Variants in SNX8 observed in about 807,000 individuals in gnomAD.
The protein encoded by SNX8 is sorting nexin-8.
SNX8 carries 25 observed loss-of-function variants against 51.6 expected under a neutral mutation model. The ratio of observed to expected loss-of-function variants is 0.48; its 90% CI spans 0.35 to 0.68. The LOEUF is 0.68. SNX8 is among the 30% of genes least tolerant of loss of function. The probability of loss-of-function intolerance (pLI) is 0.00; values close to 1 mark genes in which losing one functional copy is unlikely to be tolerated. For missense variants in SNX8, 695 were observed against 624.0 expected (o/e 1.11, Z -1.21); for synonymous variants, 324 against 277.0 (o/e 1.17, Z -1.68).
intron 1 of SNX8, among the ~76,000 whole-genome samples, chr7:2,334,975 G>A (rs1363951184): frequency 1.3e-5 from 2 of 150,992 alleles, no homozygotes. Flanking sequence ...GTGGATGGAT[G>A]ACCTGACGTC....
chr7:2,313,451 G>A (rs1486256403), intron 1 of SNX8, among the ~76,000 whole-genome samples: 11 of 151,368 alleles, frequency 7.3e-5, no homozygotes, highest in Admixed American at 4.6e-4. Context: ...GCTTGAACCC[G>A]GGAGGCGGAG....
chr7:2,343,156 C>G (rs1778963814), intron 1 of SNX8, among the ~76,000 whole-genome samples: 1 of 151,824 alleles, frequency 6.6e-6, no homozygotes, highest in Non-Finnish European at 1.5e-5. Context: ...GTCTCTAACT[C>G]CTGACCTCAA....
At chr7:2,264,237 T>C in intron 6 of SNX8, 61 bp downstream of exon 6, 1 of 1,528,120 alleles carries the variant, frequency 6.5e-7, no homozygotes, top group Non-Finnish European at 8.9e-7. Flanking sequence ...CCCAAGCCCT[T>C]CACCAGCATG....
At chr7:2,268,020 G>C (rs1317589139) in intron 5 of SNX8, among the ~76,000 whole-genome samples, 1 of 151,532 alleles carries the variant, frequency 6.6e-6, no homozygotes, top group African/African-American at 2.4e-5. Flanking sequence ...TCTGGGAGGT[G>C]AGGAGCGTCT....
Position 2,278,183 on chromosome 7 carries a change from C to CCAGCAGCTCCTGCAGGGTGTGGGA in SNX8, c.193_216dup (p.Ser65_Leu72dup). 1 of 1,614,040 alleles carries CCAGCAGCTCCTGCAGGGTGTGGGA rather than the reference C, an allele frequency of 6.2e-7. No individual in the cohort carries two copies. Among genetic ancestry groups the CCAGCAGCTCCTGCAGGGTGTGGGA allele is most frequent in the South Asian group, 1.1e-5 (1 of 91,066 alleles). The stretch of plus-strand genomic sequence containing the variant: ...AGCTCCACCTGCACGGTGTCCCTGG[C>CCAGCAGCTCCTGCAGGGTGTGGGA]CAGCAGCTCCTGCAGGGTGTGGGAC... On this transcript the variant is annotated inframe_insertion, in exon 2 of 11. Coordinates refer to ENST00000222990, the MANE Select transcript of SNX8 (RefSeq NM_013321.4).
chr7:2,315,489 CACTT>C (rs781014673), upstream of SNX8, among the ~76,000 whole-genome samples: 18 of 149,058 alleles, frequency 1.2e-4, no homozygotes, highest in Non-Finnish European at 1.8e-4. Flanking sequence ...CTCACTCACT[CACTT>C]ACTGCTTCTT....
intron 1 of SNX8, chr7:2,309,990 C>T (rs904882116): frequency 4.9e-6 from 2 of 410,250 alleles, no homozygotes; most frequent in African/African-American, 4.2e-5. Flanking sequence ...CAGCACGGAG[C>T]TTCCGAACCG....
intron 1 of SNX8, among the ~76,000 whole-genome samples, chr7:2,282,183 G>A (rs374891850): frequency 2.0e-5 from 3 of 151,960 alleles, no homozygotes; most frequent in African/African-American, 4.8e-5. Context: ...GCTCCAATCC[G>A]AAAAGATTCT....
chr7:2,277,836 A>G (rs562345804), intron 2 of SNX8, among the ~76,000 whole-genome samples: 1 of 151,230 alleles, frequency 6.6e-6, no homozygotes, highest in East Asian at 1.9e-4. Context: ...ACAGGACTCC[A>G]GAGCACAGTG....
chr7:2,292,562 C>A (rs557372715), intron 1 of SNX8, among the ~76,000 whole-genome samples: 1 of 151,990 alleles, frequency 6.6e-6, no homozygotes, highest in African/African-American at 2.4e-5. Flanking sequence ...CAGGCGTCCA[C>A]CACCACACCC....
intron 1 of SNX8, among the ~76,000 whole-genome samples, chr7:2,324,539 C>T (rs1778593370): frequency 6.6e-6 from 1 of 152,026 alleles, no homozygotes; most frequent in Non-Finnish European, 1.5e-5. Flanking sequence ...AATCTGCCCA[C>T]CTCAGCCTCC....
At chr7:2,322,035 A>T (rs530017209) in intron 1 of SNX8, among the ~76,000 whole-genome samples, 2 of 152,192 alleles carry the variant, frequency 1.3e-5, no homozygotes, top group South Asian at 4.2e-4. Context: ...GAATTTCTCA[A>T]TTCTAAAACA....
At chr7:2,257,535 T>G in intron 8 of SNX8, 21 bp from the exon 9 acceptor site, 1 of 1,599,908 alleles carries the variant, frequency 6.3e-7, no homozygotes, top group East Asian at 2.2e-5. Context: ...GGGGGAGGCA[T>G]TCGCCCGCTG....
In SNX8 at chr7:2,285,028, C is replaced by T. The variant is rs916868611; in HGVS notation, c.95-6723G>A. 5.3e-5 allele frequency among the ~76,000 whole-genome samples: 8 copies of T among 151,904 alleles called. No homozygotes were observed. The East Asian group carries it at 5.9e-4, about 11-fold the overall frequency. The stretch of plus-strand genomic sequence containing the variant: ...GAGATCGAGACCATCCTGGCTAACA[C>T]GATGAAACCTCATCTCTTCTAAAAA... On this transcript the variant is annotated intron_variant, in intron 1 of 10. Transcript: ENST00000222990.
chr7:2,270,940 GAGAGGGTCCTGC>G (rs1795629947), intron 4 of SNX8, among the ~76,000 whole-genome samples: 1 of 152,220 alleles, frequency 6.6e-6, no homozygotes, highest in African/African-American at 2.4e-5. Flanking sequence ...CCCGCACAGG[GAGAGGGTCCTGC>G]AGGCACAGGT....
intron 1 of SNX8, among the ~76,000 whole-genome samples, chr7:2,328,896 T>C (rs1371617155): frequency 2.0e-5 from 3 of 151,932 alleles, no homozygotes; most frequent in African/African-American, 7.2e-5. Context: ...CCATCCTGGC[T>C]AACATGGTGA....
At chr7:2,336,257 C>T (rs1224086445) in intron 1 of SNX8, among the ~76,000 whole-genome samples, 7 of 151,550 alleles carry the variant, frequency 4.6e-5, no homozygotes, top group African/African-American at 7.3e-5. Flanking sequence ...CAAAATTAAC[C>T]GGGCATGGTG....
chr7:2,294,766 G>A (rs79673624), intron 1 of SNX8, among the ~76,000 whole-genome samples: 6,987 of 152,236 alleles, frequency 0.046, 276 homozygotes, highest in African/African-American at 0.1. Flanking sequence ...GGCCAGCAGC[G>A]GCTCACACCT....
At chr7:2,311,357 T>G (rs1562452885) in intron 1 of SNX8, among the ~76,000 whole-genome samples, 1 of 152,228 alleles carries the variant, frequency 6.6e-6, no homozygotes, top group Non-Finnish European at 1.5e-5. Flanking sequence ...ATTCAGAGAC[T>G]TAACTTTTTT....
Sources: allele counts gnomAD v4.1 joint callset (sites outside exome capture counted in the v4.1 genomes callset), GRCh38; gene constraint gnomAD v4.1.1; transcripts MANE v1.5; gene names NCBI Gene and HGNC (gene_info 2026-07-23, HGNC 2026-07-21).